The following IPPK variants were observed in gnomAD, a reference collection of about 807,000 sequenced individuals.
IPPK encodes the protein IPK1 homolog.
A neutral mutation model predicts 64.6 loss-of-function variants in IPPK; 22 were observed. The ratio of observed to expected loss-of-function variants is 0.34; its 90% CI spans 0.24 to 0.49. IPPK has a LOEUF of 0.49. Among genes scored for constraint, IPPK ranks in the 20% least tolerant of loss-of-function variants. The pLI is 0.99. For synonymous variants in IPPK, 262 were observed against 247.2 expected (o/e 1.06, Z -0.56); for missense variants, 532 against 630.7 (o/e 0.84, Z 1.68).
In IPPK at chr9:92,640,703, C is replaced by T; in HGVS notation, c.636+7G>A. On this transcript the variant is annotated splice_region_variant and intron_variant, in intron 8 of 12. Transcript: ENST00000287996. The stretch of plus-strand genomic sequence containing the variant: ...TGAAACCACCATAGAATCAAAGCAG[C>T]TCTTACCTTAAATATCTTCAAGTTG... The T allele has an allele frequency of 6.3e-7, 1 of 1,598,032 alleles. No homozygotes were observed. Among genetic ancestry groups the T allele is most frequent in the South Asian group, 1.1e-5 (1 of 90,770 alleles).
chr9:92,649,689 T>C (rs970897197), intron 4 of IPPK, 115 bp from the exon 5 acceptor site: 4 of 1,233,470 alleles, frequency 3.2e-6, no homozygotes, highest in African/African-American at 1.5e-5. Context: ...CTGTACCTGA[T>C]GAAAACCTCA....
chr9:92,634,453 G>A lies in IPPK; in HGVS notation c.1103C>T (p.Ala368Val). ...AAGGTCAAGCAGCTTCTGGTAAAAT[G>A]CTTCATCATAAGGCCCATCTATTTG... ...TLQIDGPYDE[A>V]FYQKLLDLST... is the part of the protein sequence containing the mutation. The change falls in exon 11 of 13, where the codon GCA becomes GTA. Residue 368 changes from alanine (A) to valine (V), a missense_variant. By Grantham distance (64) the Ala-to-Val change is moderately conservative. Coordinates refer to ENST00000287996, the MANE Select transcript of IPPK (RefSeq NM_022755.6). 6.2e-7 allele frequency: 1 copy of A among 1,614,044 alleles called. No homozygotes were observed. Among genetic ancestry groups the A allele is most frequent in the Non-Finnish European group, 8.5e-7 (1 of 1,179,884 alleles).
intron 12 of IPPK, chr9:92,617,555 C>A: frequency 6.5e-6 from 1 of 153,010 alleles, no homozygotes; most frequent in Non-Finnish European, 1.5e-5. Context: ...ACACACCTGT[C>A]CCTTGTGCCA....
intron 11 of IPPK, among the ~76,000 whole-genome samples, chr9:92,624,541 G>A (rs1851700750): frequency 6.6e-6 from 1 of 151,920 alleles, no homozygotes; most frequent in Non-Finnish European, 1.5e-5. Context: ...GAGGTGGGAG[G>A]ATCACCTACC....
chr9:92,614,844 C>T lies in IPPK; in HGVS notation c.*988G>A, dbSNP rs1271338215. 1 of 152,646 alleles carries T rather than the reference C, an allele frequency of 6.6e-6. No individual in the cohort carries two copies. The highest frequency in any genetic ancestry group is 2.4e-5 in the African/African-American group (1 of 41,460). 9.5% of individuals were successfully genotyped at this position (152,646 alleles called of 1,614,324 possible). A position where few individuals can be genotyped will look rare whatever the true frequency, so the allele number is the denominator to read the frequency against. On this transcript the variant is annotated 3_prime_UTR_variant, in exon 13 of 13. Transcript: ENST00000287996. The stretch of plus-strand genomic sequence containing the variant: ...CAACGAGAACCCTCTCGGCAGCAGC[C>T]AGGAGCTGTTCACCTTCCAGAAGCA...
In IPPK at chr9:92,615,996, G is replaced by A. The variant is rs1851417100; in HGVS notation, c.1312C>T (p.Leu438=). The A allele has an allele frequency of 6.2e-7, 1 of 1,614,052 alleles. No homozygotes were observed. Among genetic ancestry groups the A allele is most frequent in the African/African-American group, 1.3e-5 (1 of 74,924 alleles). ...RSRFAFSVSV[L]DLDLKPYESI... ...TCGTAGGGCTTGAGGTCAAGGTCCA[G>A]CACAGACACGGAAAAGGCAAACCTG... The change falls in exon 13 of 13, where the codon CTG becomes TTG. Residue 438 remains leucine (L), a synonymous_variant. Transcript: ENST00000287996.
rs1852131983 is a variant in IPPK, at chr9:92,645,400, A to G, written c.505-2590T>C. ...GAGCAAGACCCTGTCTAAAAAGAAAAAAAAAGAAAGAAAGAAATTCTTTAG... is the reference window on the plus strand; with the variant it reads ...GAGCAAGACCCTGTCTAAAAAGAAAGAAAAAGAAAGAAAGAAATTCTTTAG... On this transcript the variant is annotated intron_variant, in intron 6 of 12. Coordinates refer to ENST00000287996, the MANE Select transcript of IPPK (RefSeq NM_022755.6). Among the ~76,000 whole-genome samples, 5 of 152,146 alleles carry G rather than the reference A, an allele frequency of 3.3e-5. No homozygotes were observed. In the South Asian group the frequency reaches 1.0e-3, roughly 32 times the overall value.
chr9:92,646,793 T>C (rs995683240), intron 6 of IPPK, among the ~76,000 whole-genome samples: 34 of 152,096 alleles, frequency 2.2e-4, no homozygotes, highest in African/African-American at 8.2e-4. Context: ...CCGTCTCTAC[T>C]AAAAATACAA....
chr9:92,654,492 G>C (rs572009043), intron 3 of IPPK, among the ~76,000 whole-genome samples: 24 of 152,292 alleles, frequency 1.6e-4, no homozygotes, highest in African/African-American at 5.5e-4. Flanking sequence ...CTGCACTCCA[G>C]CCTGGGTGAC....
chr9:92,619,274 T>G, intron 12 of IPPK: 1 of 546,350 alleles, frequency 1.8e-6, no homozygotes, highest in Non-Finnish European at 3.3e-6. Flanking sequence ...TCCTTTTAAG[T>G]TATTCTCCAT....
At chr9:92,643,508 G>A (rs1171411918) in intron 6 of IPPK, among the ~76,000 whole-genome samples, 2 of 151,614 alleles carry the variant, frequency 1.3e-5, no homozygotes, top group Non-Finnish European at 2.9e-5. Context: ...ACCAGAAAGA[G>A]GTAGAGTTAA....
intron 1 of IPPK, among the ~76,000 whole-genome samples, chr9:92,668,071 C>A (rs1233175467): frequency 6.6e-6 from 1 of 152,066 alleles, no homozygotes; most frequent in African/African-American, 2.4e-5. Flanking sequence ...AGTTGGAGAC[C>A]AGCCTGGTCA....
At chr9:92,628,627 G>A (rs991744657) in intron 11 of IPPK, among the ~76,000 whole-genome samples, 7 of 152,192 alleles carry the variant, frequency 4.6e-5, no homozygotes, top group African/African-American at 1.7e-4. Flanking sequence ...TGTAATCCCA[G>A]TACTTTGGGA....
In IPPK at chr9:92,630,991, C is replaced by G. The variant is rs116263612; in HGVS notation, c.1170+3395G>C. Among the ~76,000 whole-genome samples, 367 of 152,292 alleles carry G rather than the reference C, an allele frequency of 2.4e-3. 1 individual carries two copies. The highest frequency in any genetic ancestry group is 8.4e-3 in the African/African-American group (351 of 41,552). ...TTTGTTTTCCTGGAACTCAGCCCCA[C>G]TCATGTTTTCTCCATGGCTCCTTTT... is the stretch of plus-strand genomic sequence containing the variant. On this transcript the variant is annotated intron_variant, in intron 11 of 12. Transcript: ENST00000287996.
At chr9:92,656,358 G>T in intron 3 of IPPK, 98 bp downstream of exon 3, 1 of 790,798 alleles carries the variant, frequency 1.3e-6, no homozygotes, top group Non-Finnish European at 2.3e-6. Context: ...GCTGGACGCG[G>T]GTTATCATTA....
intron 1 of IPPK, among the ~76,000 whole-genome samples, chr9:92,660,350 G>T (rs762760316): frequency 1.3e-5 from 2 of 152,314 alleles, no homozygotes; most frequent in African/African-American, 4.8e-5. Flanking sequence ...TCCCTGATCA[G>T]TGTAAACTGA....
intron 3 of IPPK, among the ~76,000 whole-genome samples, chr9:92,655,171 T>C (rs1036169326): frequency 1.3e-5 from 2 of 152,222 alleles, no homozygotes; most frequent in Admixed American, 6.5e-5. Flanking sequence ...GGTTGTATCT[T>C]GCCCCACAAC....
chr9:92,656,400 G>T, intron 3 of IPPK, 56 bp downstream of exon 3: 3 of 1,067,464 alleles, frequency 2.8e-6, no homozygotes, highest in South Asian at 1.3e-5. Flanking sequence ...CCGGGAAATT[G>T]GCAGTGTTGA....
intron 1 of IPPK, among the ~76,000 whole-genome samples, chr9:92,663,091 GA>G (rs946622931): frequency 6.6e-6 from 1 of 151,776 alleles, no homozygotes; most frequent in African/African-American, 2.4e-5. Context: ...AAAATTAAGT[GA>G]AAAAAAATCC....
Sources: gnomAD v4.1 joint callset for allele counts (sites outside exome capture counted in the v4.1 genomes callset) on GRCh38, gnomAD v4.1.1 for gene constraint, MANE v1.5 for transcripts, NCBI Gene and HGNC (gene_info 2026-07-23, HGNC 2026-07-21) for gene names.